The following ALK variants were observed in gnomAD, a reference collection of about 807,000 sequenced individuals.
The protein encoded by ALK is ALK receptor tyrosine kinase.
In ALK, 74 loss-of-function variants were observed where a neutral mutation model predicts 163.1. That is an observed-to-expected ratio of 0.45 (90% CI 0.38 to 0.55). The LOEUF (loss-of-function observed/expected upper bound fraction) is 0.55, where lower values mean the gene tolerates loss of function less well. ALK is among the 20% of genes least tolerant of loss of function. The pLI, the probability that ALK is intolerant of heterozygous loss-of-function variation, is 0.00. For missense variants in ALK, 2,063 were observed against 2,105.3 expected (o/e 0.98, Z 0.39); for synonymous variants, 960 against 843.2 (o/e 1.14, Z -2.40).
intron 3 of ALK, among the ~76,000 whole-genome samples, chr2:29,672,137 T>C (rs901813609): frequency 2.4e-4 from 36 of 151,512 alleles, no homozygotes; most frequent in African/African-American, 8.0e-4. Context: ...TTTCCCTGCA[T>C]ACCTTCTGCA....
At chr2:29,798,074 C>G (rs2068883) in intron 1 of ALK, among the ~76,000 whole-genome samples, 117,549 of 152,128 alleles carry the variant, frequency 0.77, 50,899 homozygotes, top group Non-Finnish European at 0.95. Flanking sequence ...CCATCAACTA[C>G]GATCCCAGAG....
chr2:29,458,816 C>T (rs1271629498), intron 4 of ALK, among the ~76,000 whole-genome samples: 1 of 152,132 alleles, frequency 6.6e-6, no homozygotes, highest in Non-Finnish European at 1.5e-5. Flanking sequence ...AGGGGCTGTG[C>T]TAAACAGAAG....
rs1457558507 is a variant in ALK at position 29,193,318 on chromosome 2, C to A, written c.4769G>T (p.Gly1590Val). 6.2e-7 allele frequency: 1 copy of A among 1,614,170 alleles called. No individual in the cohort carries two copies. Among genetic ancestry groups the A allele is most frequent in the Non-Finnish European group, 8.5e-7 (1 of 1,180,016 alleles). The change falls in exon 29 of 29, where the codon GGC (glycine) becomes GTC (valine). Residue 1590 changes from glycine to valine, a missense_variant. Physicochemically the swap from Gly to Val is moderately radical, Grantham distance 109. This residue lies in a region of ALK where 403 missense variants were observed against 366.2 expected (regional missense o/e 1.10). Transcript: ENST00000389048. The part of the protein sequence containing the change: ...GNVNYGYQQQ[G>V]LPLEAATAPG... Reference sequence around the variant, plus strand: ...GGCAGTAGCGGCTTCTAAGGGCAAGCCCTGTTGCTGGTAGCCGTAATTGAC... The same window carrying A: ...GGCAGTAGCGGCTTCTAAGGGCAAGACCTGTTGCTGGTAGCCGTAATTGAC...
chr2:29,673,168 G>A lies in ALK; in HGVS notation c.952+21682C>T, dbSNP rs1191847359. Among the ~76,000 whole-genome samples, 4 of 146,182 alleles carry A rather than the reference G, an allele frequency of 2.7e-5. No individual in the cohort carries two copies. The East Asian group carries it at 5.9e-4, about 22-fold the overall frequency. ...TGGTAGTTTCTTTCGCTGTACAGAA[G>A]CTCTTTAGTTTAATTAGATCCCATT... is the stretch of plus-strand genomic sequence containing the variant. On this transcript the variant is annotated intron_variant, in intron 3 of 28. Transcript: ENST00000389048.
chr2:29,904,720 T>C (rs753328829), intron 1 of ALK, among the ~76,000 whole-genome samples: 1 of 152,212 alleles, frequency 6.6e-6, no homozygotes, highest in Non-Finnish European at 1.5e-5. Flanking sequence ...GAGCTGGGTG[T>C]CAAACCTAGA....
At chr2:29,699,782 A>C (rs1678678743) in intron 2 of ALK, among the ~76,000 whole-genome samples, 1 of 152,228 alleles carries the variant, frequency 6.6e-6, no homozygotes, top group Non-Finnish European at 1.5e-5. Flanking sequence ...TGCCTATCAC[A>C]TATGTGAAAT....
intron 1 of ALK, among the ~76,000 whole-genome samples, chr2:29,780,292 C>T (rs1240491507): frequency 6.6e-6 from 1 of 152,170 alleles, no homozygotes; most frequent in Admixed American, 6.5e-5. Flanking sequence ...ACAGAATGCT[C>T]ACTTTCCTAT....
chr2:29,529,387 G>A (rs1031388436), intron 4 of ALK, among the ~76,000 whole-genome samples: 80 of 152,226 alleles, frequency 5.3e-4, no homozygotes, highest in African/African-American at 1.9e-3. Context: ...AACATCACCA[G>A]GATATCACTG....
chr2:29,203,636 G>A (rs1032910431), intron 26 of ALK, among the ~76,000 whole-genome samples: 10 of 151,104 alleles, frequency 6.6e-5, no homozygotes, highest in Non-Finnish European at 1.3e-4. Context: ...ACAGGCACCC[G>A]CCACCACGCC....
intron 8 of ALK, among the ~76,000 whole-genome samples, chr2:29,311,008 ACTG>A (rs774846568): frequency 8.5e-5 from 13 of 152,208 alleles, no homozygotes; most frequent in Non-Finnish European, 1.6e-4. Context: ...CTCGAGAACC[ACTG>A]CAGCTTCCTC....
intron 4 of ALK, among the ~76,000 whole-genome samples, chr2:29,518,570 A>G (rs1343165952): frequency 6.6e-6 from 1 of 152,216 alleles, no homozygotes; most frequent in African/African-American, 2.4e-5. Flanking sequence ...GAATAAAGCT[A>G]GCGAAAGGGT....
chr2:29,697,131 ATT>A (rs1678590857), intron 2 of ALK, among the ~76,000 whole-genome samples: 1 of 152,112 alleles, frequency 6.6e-6, no homozygotes, highest in Admixed American at 6.5e-5. Context: ...CCTGGTCCAT[ATT>A]TGATGCTCTG....
chr2:29,201,798 A>G (rs1168123014), intron 26 of ALK, among the ~76,000 whole-genome samples: 2 of 144,310 alleles, frequency 1.4e-5, no homozygotes, highest in African/African-American at 5.3e-5. Flanking sequence ...AAAAAAAAAA[A>G]TCTTGAATCT....
intron 28 of ALK, among the ~76,000 whole-genome samples, chr2:29,194,240 A>G (rs372623641): frequency 5.9e-5 from 9 of 152,100 alleles, no homozygotes; most frequent in African/African-American, 2.2e-4. Flanking sequence ...AAAAATTAAG[A>G]TTATTATTTG....
At chr2:29,721,437 G>A (rs939034707) in intron 1 of ALK, among the ~76,000 whole-genome samples, 9 of 152,222 alleles carry the variant, frequency 5.9e-5, no homozygotes, top group Non-Finnish European at 7.4e-5. Flanking sequence ...AGGATGGCCC[G>A]GGAATCCCAT....
At chr2:29,320,995 C>A in intron 6 of ALK, 113 bp from the exon 7 acceptor site, 1 of 1,324,636 alleles carries the variant, frequency 7.5e-7, no homozygotes, top group East Asian at 2.3e-5. Flanking sequence ...AGTAATATAG[C>A]TCCCCAGCCA....
chr2:29,660,583 T>C (rs1251891099), intron 3 of ALK, among the ~76,000 whole-genome samples: 2 of 149,562 alleles, frequency 1.3e-5, no homozygotes, highest in African/African-American at 4.9e-5. Flanking sequence ...GAAGGAAAGA[T>C]ACATATGAGG....
At chr2:29,380,478 G>T (rs1043085618) in intron 5 of ALK, among the ~76,000 whole-genome samples, 1 of 151,920 alleles carries the variant, frequency 6.6e-6, no homozygotes, top group Non-Finnish European at 1.5e-5. Flanking sequence ...GAGTGCAATG[G>T]TGCCATCTTG....
intron 1 of ALK, among the ~76,000 whole-genome samples, chr2:29,818,453 T>A (rs910560734): frequency 2.6e-5 from 4 of 152,250 alleles, no homozygotes; most frequent in South Asian, 2.1e-4. Context: ...AATGAGACGT[T>A]AGAGGAAGCC....
Sources: gnomAD v4.1 joint callset for allele counts (sites outside exome capture counted in the v4.1 genomes callset) on GRCh38, gnomAD v4.1.1 for gene constraint, gnomAD v4.1.1 regional missense constraint, MANE v1.5 for transcripts, NCBI Gene and HGNC (gene_info 2026-07-23, HGNC 2026-07-21) for gene names.